The following DYM variants were observed in gnomAD, a reference collection of about 807,000 sequenced individuals.
DYM encodes the protein dymeclin.
Under a neutral mutation model 93.1 loss-of-function variants are expected in DYM, and 78 were observed. The ratio of observed to expected loss-of-function variants is 0.84; its 90% CI spans 0.70 to 1.01. DYM has a LOEUF of 1.01. DYM is among the 50% of genes least tolerant of loss of function. DYM has a pLI of 0.00. For synonymous variants in DYM, 321 were observed against 319.7 expected, an observed-to-expected ratio of 1.00 and a Z score of -0.04; for missense variants, 789 against 845.0, an observed-to-expected ratio of 0.93 and a Z score of 0.82.
chr18:49,376,023 T>C (rs2067476887), intron 5 of DYM, among the ~76,000 whole-genome samples: 1 of 152,178 alleles, frequency 6.6e-6, no homozygotes, highest in Non-Finnish European at 1.5e-5. Flanking sequence ...AAGGCTGCAC[T>C]GTCAGCCCTA....
intron 8 of DYM, among the ~76,000 whole-genome samples, chr18:49,329,248 C>T (rs1053134006): frequency 3.8e-5 from 5 of 132,382 alleles, no homozygotes; most frequent in African/African-American, 1.5e-4. Context: ...AACTCTTGGA[C>T]ACAGGGCAGG....
At chr18:49,299,851 G>A (rs1303082414) in intron 8 of DYM, among the ~76,000 whole-genome samples, 1 of 151,618 alleles carries the variant, frequency 6.6e-6, no homozygotes, top group African/African-American at 2.4e-5. Flanking sequence ...ACACCATCCT[G>A]GCTAACACGG....
intron 8 of DYM, among the ~76,000 whole-genome samples, chr18:49,330,701 T>A (rs1049883035): frequency 6.6e-6 from 1 of 152,110 alleles, no homozygotes; most frequent in African/African-American, 2.4e-5. Context: ...CTTATACCAG[T>A]TTAATGATTT....
intron 15 of DYM, among the ~76,000 whole-genome samples, chr18:49,144,916 G>A (rs1055142313): frequency 1.3e-5 from 2 of 151,398 alleles, no homozygotes; most frequent in Non-Finnish European, 2.9e-5. Context: ...GGGCAACACA[G>A]TGGGACCCTG....
At chr18:49,215,483 A>T (rs1252902704) in intron 13 of DYM, among the ~76,000 whole-genome samples, 8 of 152,220 alleles carry the variant, frequency 5.3e-5, no homozygotes. Flanking sequence ...TAGACAATAT[A>T]TCCCCTTATT....
intron 6 of DYM, among the ~76,000 whole-genome samples, chr18:49,355,677 G>A (rs1341387540): frequency 2.0e-5 from 3 of 152,136 alleles, no homozygotes; most frequent in African/African-American, 7.2e-5. Context: ...GTGTGTGGGG[G>A]TGGCTTGACA....
chr18:49,070,289 T>C (rs2076787112), intron 17 of DYM, among the ~76,000 whole-genome samples: 2 of 152,218 alleles, frequency 1.3e-5, no homozygotes, highest in South Asian at 2.1e-4. Flanking sequence ...ATTGTTTCTT[T>C]TGATTTCTCC....
rs150028060 is a variant in DYM, at chr18:49,086,501, C to A, written c.2025+10901G>T. On this transcript the variant is annotated intron_variant, in intron 17 of 17. Transcript: ENST00000675505. ...ATACGGCTGCACTGGGGAATTAAGTCTCAACATACGTTTGGAGGGGACATT... is the reference window on the plus strand; with the variant it reads ...ATACGGCTGCACTGGGGAATTAAGTATCAACATACGTTTGGAGGGGACATT... Among the ~76,000 whole-genome samples the A allele has an allele frequency of 1.3e-4, 20 of 152,280 alleles. No individual in the cohort carries two copies. The South Asian group carries it at 1.9e-3, about 14-fold the overall frequency.
chr18:49,090,204 A>G (rs551102788), intron 17 of DYM, among the ~76,000 whole-genome samples: 2 of 152,292 alleles, frequency 1.3e-5, no homozygotes, highest in Admixed American at 6.5e-5. Flanking sequence ...TGGACAAGAA[A>G]CTCAAGGAGA....
rs549803271 is a variant in DYM, at chr18:49,450,175, G to T, written c.-54+10223C>A. Among the ~76,000 whole-genome samples, 48 of 152,196 alleles carry T rather than the reference G, an allele frequency of 3.2e-4. 1 individual carries two copies. Among genetic ancestry groups the T allele is most frequent in the African/African-American group, 1.1e-3 (47 of 41,512 alleles). ...ATAAACATTAACTAAATTCAAAAGG[G>T]TATTATATGGTCTTTTCCTAAATTG... is the stretch of plus-strand genomic sequence containing the variant. On this transcript the variant is annotated intron_variant, in intron 1 of 17. Coordinates refer to ENST00000675505, the MANE Select transcript of DYM (RefSeq NM_001353214.3).
At chr18:49,066,526 G>A (rs972047618) in intron 17 of DYM, among the ~76,000 whole-genome samples, 1 of 152,136 alleles carries the variant, frequency 6.6e-6, no homozygotes, top group Non-Finnish European at 1.5e-5. Flanking sequence ...GATGGACACT[G>A]GGTTGTTTCC....
intron 13 of DYM, among the ~76,000 whole-genome samples, chr18:49,210,212 T>C (rs2092716036): frequency 6.6e-6 from 1 of 152,248 alleles, no homozygotes; most frequent in Admixed American, 6.5e-5. Flanking sequence ...CTTTAGAATT[T>C]ATCCAAAAGA....
chr18:49,217,653 T>C (rs888725605), intron 13 of DYM, among the ~76,000 whole-genome samples: 17 of 152,150 alleles, frequency 1.1e-4, no homozygotes, highest in Non-Finnish European at 1.5e-4. Flanking sequence ...CCAGCCAAAC[T>C]AAGCTTCATA....
intron 13 of DYM, among the ~76,000 whole-genome samples, chr18:49,254,325 T>TATATATAC (rs1279388698): frequency 1.5e-4 from 21 of 138,634 alleles, no homozygotes; most frequent in East Asian, 6.6e-4. Context: ...TATATATATA[T>TATATATAC]ACACACATAG....
At chr18:49,391,350 C>T (rs1340949279) in intron 3 of DYM, 9 of 458,068 alleles carry the variant, frequency 2.0e-5, no homozygotes, top group African/African-American at 5.9e-5. Context: ...AAGAACAAGA[C>T]GAAAGAGTGT....
chr18:49,378,640 C>T lies in DYM; in HGVS notation c.348G>A (p.Val116=). The T allele has an allele frequency of 3.1e-6, 5 of 1,613,228 alleles. No individual in the cohort carries two copies. Among genetic ancestry groups the T allele is most frequent in the Non-Finnish European group, 2.5e-6 (3 of 1,179,456 alleles). The change falls in exon 5 of 18, where the codon GTG becomes GTA. Residue 116 remains valine, a synonymous_variant. Transcript: ENST00000675505. ...ALFIICCLLK[V]FICQMSEEEL... ...CCTCCTCTGACATCTGACAGATGAA[C>T]ACTTTCAGCAAACAGCAAATAATAA...
At chr18:49,304,084 G>A (rs552947523) in intron 8 of DYM, among the ~76,000 whole-genome samples, 24 of 152,284 alleles carry the variant, frequency 1.6e-4, no homozygotes, top group Admixed American at 2.6e-4. Flanking sequence ...ACTGATGCAC[G>A]CTAGCTTTTT....
intron 15 of DYM, among the ~76,000 whole-genome samples, chr18:49,163,191 G>A (rs910386016): frequency 6.6e-6 from 1 of 152,032 alleles, no homozygotes; most frequent in Non-Finnish European, 1.5e-5. Context: ...TCAACCACTT[G>A]TTAACAATCA....
intron 2 of DYM, among the ~76,000 whole-genome samples, chr18:49,413,879 G>A (rs973700691): frequency 2.6e-5 from 4 of 152,070 alleles, no homozygotes; most frequent in African/African-American, 7.2e-5. Flanking sequence ...GCATGGTGGT[G>A]CACACTTGTA....
Sources: allele counts gnomAD v4.1 joint callset (sites outside exome capture counted in the v4.1 genomes callset), GRCh38; gene constraint gnomAD v4.1.1; transcripts MANE v1.5; gene names NCBI Gene and HGNC (gene_info 2026-07-23, HGNC 2026-07-21).